The following ROR2 variants were observed in gnomAD, a reference collection of about 807,000 sequenced individuals.
ROR2 encodes the protein tyrosine-protein kinase transmembrane receptor ROR2.
In ROR2, 33 loss-of-function variants were observed where a neutral mutation model predicts 74.9. The observed-to-expected ratio is 0.44, with a 90% CI of 0.33 to 0.59. ROR2 has a LOEUF of 0.59. Among genes scored for constraint, ROR2 ranks in the 20% least tolerant of loss-of-function variants. The probability of loss-of-function intolerance (pLI) is 0.02; values close to 1 mark genes in which losing one functional copy is unlikely to be tolerated. For missense variants in ROR2, 1,216 were observed against 1,313.8 expected (o/e 0.93, Z 1.15); for synonymous variants, 586 against 558.7 (o/e 1.05, Z -0.69).
chr9:91,885,022 A>C (rs889558661), intron 1 of ROR2, among the ~76,000 whole-genome samples: 1 of 152,184 alleles, frequency 6.6e-6, no homozygotes, highest in Non-Finnish European at 1.5e-5. Context: ...GAACTTAAAG[A>C]GCTAACAAGC....
intron 1 of ROR2, among the ~76,000 whole-genome samples, chr9:91,803,799 C>G (rs1021030967): frequency 2.0e-5 from 3 of 152,192 alleles, no homozygotes; most frequent in African/African-American, 7.2e-5. Context: ...TGCATAAAAC[C>G]GACAGCTTAT....
At chr9:91,766,449 A>G (rs1353436469) in intron 2 of ROR2, among the ~76,000 whole-genome samples, 1 of 152,132 alleles carries the variant, frequency 6.6e-6, no homozygotes, top group Non-Finnish European at 1.5e-5. Flanking sequence ...ATCTTTTACT[A>G]GTATTTTATT....
intron 2 of ROR2, among the ~76,000 whole-genome samples, chr9:91,765,576 C>T (rs1826035480): frequency 6.6e-6 from 1 of 152,188 alleles, no homozygotes; most frequent in Admixed American, 6.5e-5. Flanking sequence ...CCAGAGATGC[C>T]AGTCCCAACT....
At chr9:91,849,406 C>T (rs1361898084) in intron 1 of ROR2, among the ~76,000 whole-genome samples, 1 of 152,198 alleles carries the variant, frequency 6.6e-6, no homozygotes, top group Admixed American at 6.5e-5. Flanking sequence ...AGATGTGCTT[C>T]CAAGCTCCCC....
At chr9:91,861,798 T>C (rs939839595) in intron 1 of ROR2, among the ~76,000 whole-genome samples, 5 of 152,134 alleles carry the variant, frequency 3.3e-5, no homozygotes, top group African/African-American at 1.2e-4. Context: ...ATTAAATAAG[T>C]AAAAAGACAC....
At chr9:91,897,840 G>C (rs544977717) in intron 1 of ROR2, among the ~76,000 whole-genome samples, 9 of 152,322 alleles carry the variant, frequency 5.9e-5, no homozygotes, top group Admixed American at 2.0e-4. Flanking sequence ...CCTGAGGACG[G>C]GTCTGCTTCT....
chr9:91,847,912 AG>A (rs888675914), intron 1 of ROR2, among the ~76,000 whole-genome samples: 32 of 152,200 alleles, frequency 2.1e-4, no homozygotes, highest in Admixed American at 9.2e-4. Context: ...CAGCTTCAGC[AG>A]AACTCCTGGC....
intron 1 of ROR2, among the ~76,000 whole-genome samples, chr9:91,883,807 G>T (rs547949284): frequency 6.6e-6 from 1 of 152,250 alleles, no homozygotes; most frequent in African/African-American, 2.4e-5. Context: ...TTCCAACAGA[G>T]CCCTTGCTAG....
At chr9:91,807,279 A>C (rs960457597) in intron 1 of ROR2, among the ~76,000 whole-genome samples, 4 of 152,166 alleles carry the variant, frequency 2.6e-5, no homozygotes, top group Non-Finnish European at 5.9e-5. Context: ...TTCCTGAGAG[A>C]TGAACACGTG....
chr9:91,811,727 C>G (rs1206950699), intron 1 of ROR2, among the ~76,000 whole-genome samples: 1 of 152,234 alleles, frequency 6.6e-6, no homozygotes, highest in Non-Finnish European at 1.5e-5. Flanking sequence ...ACATGCCTGC[C>G]CTGTTTCCCT....
At chr9:91,949,061 C>G (rs557786077) in intron 1 of ROR2, among the ~76,000 whole-genome samples, 80 of 151,940 alleles carry the variant, frequency 5.3e-4, no homozygotes, top group Non-Finnish European at 8.3e-4. Context: ...CGGGAGGAAA[C>G]CCACCTAGGA....
chr9:91,738,600 G>C (rs1825115417), intron 4 of ROR2, among the ~76,000 whole-genome samples: 1 of 152,176 alleles, frequency 6.6e-6, no homozygotes, highest in South Asian at 2.1e-4. Flanking sequence ...TATTTGAAAA[G>C]GAGAAAAGCA....
intron 1 of ROR2, among the ~76,000 whole-genome samples, chr9:91,809,573 G>GTT (rs1053251321): frequency 1.3e-5 from 2 of 152,276 alleles, no homozygotes; most frequent in Non-Finnish European, 2.9e-5. Flanking sequence ...AGCCCACGCA[G>GTT]TTAGCACCAA....
intron 1 of ROR2, among the ~76,000 whole-genome samples, chr9:91,794,273 T>C (rs1390989227): frequency 6.6e-6 from 1 of 152,268 alleles, no homozygotes; most frequent in Non-Finnish European, 1.5e-5. Context: ...TTAGTTATTT[T>C]GTTTAACTCT....
At chr9:91,844,176 C>A (rs563290681) in intron 1 of ROR2, among the ~76,000 whole-genome samples, 29 of 152,360 alleles carry the variant, frequency 1.9e-4, no homozygotes, top group Admixed American at 1.3e-3. Flanking sequence ...GGTTCTCCAG[C>A]AAAGTTCCCT....
rs1409532841 is a variant in ROR2 at position 91,936,603 on chromosome 9, T to TA, written c.97+13263dup. Among the ~76,000 whole-genome samples, 8 of 152,330 alleles carry TA rather than the reference T, an allele frequency of 5.3e-5. 1 individual carries two copies. In the East Asian group the frequency reaches 1.2e-3, roughly 22 times the overall value. ...ATCTTCTTTTGAGCAATTCAACCAA[T>TA]AACAGTGTGATATTCTCTGTTAAAA... On this transcript the variant is annotated intron_variant, in intron 1 of 8. Transcript: ENST00000375708.
At chr9:91,780,458 C>T (rs1184459076) in intron 1 of ROR2, among the ~76,000 whole-genome samples, 1 of 151,942 alleles carries the variant, frequency 6.6e-6, no homozygotes, top group Non-Finnish European at 1.5e-5. Context: ...CAACACAGAC[C>T]TCTGATGTGA....
chr9:91,724,564 C>T lies in ROR2; in HGVS notation c.1930G>A (p.Asp644Asn), dbSNP rs55798732. The T allele has an allele frequency of 6.3e-5, 102 of 1,614,072 alleles. 1 individual carries two copies. The East Asian group carries it at 1.1e-3, about 17-fold the overall frequency. The change falls in exon 9 of 9, where the codon GAT becomes AAT. Residue 644 changes from aspartate (D) to asparagine (N), a missense_variant. Transcript: ENST00000375708. ...LGLFREVYAA[D>N]YYKLLGNSLL... ...GAGTTCCCCAGCAGCTTGTAGTAAT[C>T]GGCGGCATACACCTCTCGGAAGAGG...
At chr9:91,945,661 T>G (rs1831995247) in intron 1 of ROR2, among the ~76,000 whole-genome samples, 1 of 152,150 alleles carries the variant, frequency 6.6e-6, no homozygotes, top group African/African-American at 2.4e-5. Flanking sequence ...AGATAGGACT[T>G]AAAAAGAAAA....
Sources: gnomAD v4.1 joint callset for allele counts (sites outside exome capture counted in the v4.1 genomes callset) on GRCh38, gnomAD v4.1.1 for gene constraint, MANE v1.5 for transcripts, NCBI Gene and HGNC (gene_info 2026-07-23, HGNC 2026-07-21) for gene names.